The following GLI2 variants were observed in gnomAD, a reference collection of about 807,000 sequenced individuals.
GLI2 encodes the protein GLI family zinc finger 2.
A neutral mutation model predicts 78.9 loss-of-function variants in GLI2; 22 were observed. The observed-to-expected ratio is 0.28, with a 90% CI of 0.20 to 0.40. GLI2 has a LOEUF of 0.40. Ranked by LOEUF, GLI2 falls within the 10% of genes least tolerant of loss-of-function variation. The pLI, the probability that GLI2 is intolerant of heterozygous loss-of-function variation, is 1.00. For synonymous variants in GLI2, 974 were observed against 963.7 expected, an observed-to-expected ratio of 1.01 and a Z score of -0.20; for missense variants, 2,097 against 2,213.2, an observed-to-expected ratio of 0.95 and a Z score of 1.05.
chr2:120,984,341 C>T (rs1054453260), intron 11 of GLI2, 130 bp from the exon 12 acceptor site: 28 of 951,580 alleles, frequency 2.9e-5, no homozygotes, highest in Non-Finnish European at 4.7e-5. Context: ...AAATTTGACA[C>T]AGCACCTACT....
intron 1 of GLI2, among the ~76,000 whole-genome samples, chr2:120,793,413 C>T (rs1684238826): frequency 6.6e-6 from 1 of 152,244 alleles, no homozygotes; most frequent in Admixed American, 6.5e-5. Flanking sequence ...ACCCTCCCTG[C>T]TGTCCCCAGG....
In GLI2 at chr2:120,736,015, G is replaced by C. The variant is rs1040094915; in HGVS notation, c.-301G>C. ...CGAACGCGGAGGAAGGCCAGGAGCC[G>C]CAGGAGGAGCCGGAGGAAAGAGCTT... On this transcript the variant is annotated 5_prime_UTR_variant, in exon 1 of 14. Transcript: ENST00000361492. Among the ~76,000 whole-genome samples the C allele has an allele frequency of 1.3e-4, 19 of 151,986 alleles. No homozygotes were observed. The highest frequency in any genetic ancestry group is 2.2e-4 in the Non-Finnish European group (15 of 67,950).
At chr2:120,829,324 C>T (rs530878440) in intron 2 of GLI2, among the ~76,000 whole-genome samples, 57 of 152,298 alleles carry the variant, frequency 3.7e-4, no homozygotes, top group South Asian at 3.3e-3. Context: ...ACAGAGTGGG[C>T]GCATTGTGAG....
chr2:120,942,202 C>T (rs985341584), intron 3 of GLI2, among the ~76,000 whole-genome samples: 6 of 152,166 alleles, frequency 3.9e-5, no homozygotes, highest in African/African-American at 7.2e-5. Flanking sequence ...CACGGTACCA[C>T]GAACTCAGTG....
At chr2:120,755,097 C>G (rs1024531410) in intron 1 of GLI2, among the ~76,000 whole-genome samples, 1 of 152,280 alleles carries the variant, frequency 6.6e-6, no homozygotes, top group South Asian at 2.1e-4. Flanking sequence ...ATGGTCTACC[C>G]GCCTTGGCCT....
Position 120,915,848 on chromosome 2 carries a change from AC to A in GLI2, c.149-11509del, listed in dbSNP as rs1422601010. Among the ~76,000 whole-genome samples the A allele has an allele frequency of 8.5e-5, 13 of 152,142 alleles. No homozygotes were observed. The East Asian group carries it at 2.5e-3, about 29-fold the overall frequency. ...AACCTGCATTCCCAGTGGCACCCAG[AC>A]CCCTTGCAGCTGCTGCTCAGAAGCA... On this transcript the variant is annotated intron_variant, in intron 2 of 13. Coordinates refer to ENST00000361492, the MANE Select transcript of GLI2 (RefSeq NM_001374353.1).
intron 1 of GLI2, among the ~76,000 whole-genome samples, chr2:120,754,025 C>T (rs1369444067): frequency 2.0e-5 from 3 of 151,662 alleles, no homozygotes; most frequent in African/African-American, 4.9e-5. Context: ...TTTAGGGGTA[C>T]GAGTGCCGTG....
At chr2:120,814,045 G>A (rs573249288) in intron 2 of GLI2, among the ~76,000 whole-genome samples, 1 of 152,034 alleles carries the variant, frequency 6.6e-6, no homozygotes, top group East Asian at 1.9e-4. Context: ...TCCCTGGGGG[G>A]ACTCTGGGAG....
chr2:120,916,581 A>T (rs1237004545), intron 2 of GLI2, among the ~76,000 whole-genome samples: 4 of 152,130 alleles, frequency 2.6e-5, no homozygotes, highest in Non-Finnish European at 4.4e-5. Context: ...GCAGTGGCTT[A>T]CACAGCAGCG....
rs1683324473 is a variant in GLI2 at position 120,992,407 on chromosome 2, AT to A, written c.*1737del. 6.6e-6 allele frequency: 1 copy of A among 152,140 alleles called. No individual in the cohort carries two copies. The highest frequency in any genetic ancestry group is 1.5e-5 in the Non-Finnish European group (1 of 68,020). The allele number at this position is 152,140 out of a possible 1,614,324, so 9.4% of individuals were successfully genotyped here. A position where few individuals can be genotyped will look rare whatever the true frequency, so the allele number is the denominator to read the frequency against. ...CCAGCCAAATTTATATCTCCAAAAC[AT>A]TTTTAGCTTTTTCTACATGCTATGA... On this transcript the variant is annotated 3_prime_UTR_variant, in exon 14 of 14. Coordinates refer to ENST00000361492, the MANE Select transcript of GLI2 (RefSeq NM_001374353.1).
rs140941250 is a variant in GLI2, at chr2:120,910,105, G to A, written c.149-17256G>A. 4.7e-3 allele frequency among the ~76,000 whole-genome samples: 715 copies of A among 152,276 alleles called. 3 individuals carry two copies. The highest frequency in any genetic ancestry group is 0.016 in the African/African-American group (677 of 41,548). Reference sequence around the variant, plus strand: ...GTCCCCTCCGTTTTCCTGTGCTGTGGTTTCCTCCTTTTAGCTGTCATGTCC... The same window carrying A: ...GTCCCCTCCGTTTTCCTGTGCTGTGATTTCCTCCTTTTAGCTGTCATGTCC... On this transcript the variant is annotated intron_variant, in intron 2 of 13. Coordinates refer to ENST00000361492, the MANE Select transcript of GLI2 (RefSeq NM_001374353.1).
At chr2:120,978,866 A>G (rs1169058303) in intron 10 of GLI2, among the ~76,000 whole-genome samples, 2 of 152,086 alleles carry the variant, frequency 1.3e-5, no homozygotes, top group Non-Finnish European at 2.9e-5. Context: ...GTCCAAAGGC[A>G]TATCTGCACC....
intron 2 of GLI2, among the ~76,000 whole-genome samples, chr2:120,806,343 A>G (rs1363783274): frequency 6.6e-6 from 1 of 152,192 alleles, no homozygotes; most frequent in Non-Finnish European, 1.5e-5. Flanking sequence ...ACTGTGGACC[A>G]GAGAGGTGGT....
chr2:120,833,984 G>T (rs1686487214), intron 2 of GLI2, among the ~76,000 whole-genome samples: 1 of 152,154 alleles, frequency 6.6e-6, no homozygotes, highest in South Asian at 2.1e-4. Flanking sequence ...CAGCACACTG[G>T]CCTAACTCTC....
In GLI2 at chr2:120,939,019, C is replaced by T. The variant is rs534950163; in HGVS notation, c.254+11553C>T. 2.6e-5 allele frequency among the ~76,000 whole-genome samples: 4 copies of T among 152,308 alleles called. No individual in the cohort carries two copies. The South Asian group carries it at 6.2e-4, about 24-fold the overall frequency. ...AAAAGTGGCCAGGTGTGGTGGCTTA[C>T]GCCTATAATCCCAGCACTTTGGGAG... On this transcript the variant is annotated intron_variant, in intron 3 of 13. Transcript: ENST00000361492.
At chr2:120,828,164 C>T (rs555823376) in intron 2 of GLI2, among the ~76,000 whole-genome samples, 2 of 152,256 alleles carry the variant, frequency 1.3e-5, no homozygotes, top group African/African-American at 4.8e-5. Context: ...CCTCCACCAT[C>T]GATGACCAGT....
rs1296028976 is a variant in GLI2 at position 120,736,258 on chromosome 2, TGCTAGAG to T, written c.-55_-49del. 1 of 151,950 alleles carries T rather than the reference TGCTAGAG, an allele frequency of 6.6e-6. No homozygotes were observed. Among genetic ancestry groups the T allele is most frequent in the African/African-American group, 2.4e-5 (1 of 41,396 alleles). The allele number at this position is 151,950 out of a possible 1,614,324, so 9.4% of individuals were successfully genotyped here. A position where few individuals can be genotyped will look rare whatever the true frequency, so the allele number is the denominator to read the frequency against. On this transcript the variant is annotated 5_prime_UTR_variant, in exon 1 of 14. It removes the in-frame stop codon of an upstream open reading frame in the 5' UTR. Transcript: ENST00000361492. Reference sequence around the variant, plus strand: ...CCCGGCGCCCGAGAGGCCACCTGCGTGCTAGAGGCAAACTTTTGTCTCTCTCGGTAAA... The same window carrying T: ...CCCGGCGCCCGAGAGGCCACCTGCGTGCAAACTTTTGTCTCTCTCGGTAAA...
chr2:120,831,352 G>C (rs1686351937), intron 2 of GLI2, among the ~76,000 whole-genome samples: 1 of 152,230 alleles, frequency 6.6e-6, no homozygotes, highest in Non-Finnish European at 1.5e-5. Flanking sequence ...TCACAGTGCA[G>C]GGTGCTCTGC....
At chr2:120,811,802 G>A (rs767969255) in intron 2 of GLI2, among the ~76,000 whole-genome samples, 4 of 152,060 alleles carry the variant, frequency 2.6e-5, no homozygotes, top group Non-Finnish European at 5.9e-5. Context: ...AAATCCTGCT[G>A]GACAGCTCTG....
Sources: allele counts gnomAD v4.1 joint callset (sites outside exome capture counted in the v4.1 genomes callset), GRCh38; gene constraint gnomAD v4.1.1; transcripts MANE v1.5; gene names NCBI Gene and HGNC (gene_info 2026-07-23, HGNC 2026-07-21).